Variants in EFCAB11 observed in about 807,000 individuals in gnomAD.
EFCAB11 encodes EF-hand calcium-binding domain-containing protein 11.
Under a neutral mutation model 23.0 loss-of-function variants are expected in EFCAB11, and 14 were observed. That is an observed-to-expected ratio of 0.61 (90% confidence interval 0.40 to 0.95). The LOEUF (loss-of-function observed/expected upper bound fraction) is 0.95. Among genes scored for constraint, EFCAB11 ranks in the 40% least tolerant of loss-of-function variants. EFCAB11 has a pLI of 0.00. For synonymous variants in EFCAB11, 65 were observed against 66.6 expected (o/e 0.98, Z 0.11); for missense variants, 198 against 195.8 (o/e 1.01, Z -0.07).
At chr14:89,920,125 T>C (rs1889975445) in intron 5 of EFCAB11, among the ~76,000 whole-genome samples, 1 of 152,242 alleles carries the variant, frequency 6.6e-6, no homozygotes, top group Admixed American at 6.5e-5. Flanking sequence ...TATAATTCCA[T>C]AGGCAAGATG....
At chr14:89,870,633 A>T (rs1888236277) in intron 5 of EFCAB11, among the ~76,000 whole-genome samples, 1 of 152,168 alleles carries the variant, frequency 6.6e-6, no homozygotes, top group African/African-American at 2.4e-5. Flanking sequence ...TAGAAAACTA[A>T]CAAGATTACC....
At chr14:89,827,838 G>A (rs929234682) in intron 5 of EFCAB11, among the ~76,000 whole-genome samples, 10 of 151,936 alleles carry the variant, frequency 6.6e-5, no homozygotes, top group South Asian at 6.2e-4. Context: ...TCTCCATGTC[G>A]GTCAGGCTGG....
chr14:89,925,896 T>G (rs1890177748), intron 5 of EFCAB11, among the ~76,000 whole-genome samples: 1 of 152,258 alleles, frequency 6.6e-6, no homozygotes, highest in Admixed American at 6.5e-5. Context: ...TGGCGTGATC[T>G]CGGCTCACTG....
rs1029305228 is a variant in EFCAB11 at position 89,935,187 on chromosome 14, T to C, written c.218-2560A>G. On this transcript the variant is annotated intron_variant, in intron 3 of 5. Transcript: ENST00000316738. ...CATGCAATCATAGAAGTGATTAGGA[T>C]CTACGGTAATTATTTGGCCACATGT... 2.0e-5 allele frequency among the ~76,000 whole-genome samples: 3 copies of C among 152,126 alleles called. No individual in the cohort carries two copies. In the East Asian group the frequency reaches 5.8e-4, roughly 29 times the overall value.
chr14:89,798,417 C>A (rs1885647295), intron 5 of EFCAB11, among the ~76,000 whole-genome samples: 2 of 152,258 alleles, frequency 1.3e-5, no homozygotes, highest in Non-Finnish European at 2.9e-5. Context: ...GGACCAAAAG[C>A]ATAGTGTCAG....
intron 5 of EFCAB11, among the ~76,000 whole-genome samples, chr14:89,827,901 G>A (rs1304357782): frequency 6.6e-6 from 1 of 152,068 alleles, no homozygotes; most frequent in Non-Finnish European, 1.5e-5. Context: ...CCAAAGTGCT[G>A]GGATTACAGG....
intron 5 of EFCAB11, among the ~76,000 whole-genome samples, chr14:89,873,232 C>T (rs765682335): frequency 2.0e-5 from 3 of 152,044 alleles, no homozygotes; most frequent in Non-Finnish European, 4.4e-5. Context: ...GGGGAACTCC[C>T]GTTTATAAAA....
intron 5 of EFCAB11, among the ~76,000 whole-genome samples, chr14:89,920,509 TCAGTCACCAGCTGGTGAC>T (rs1889989470): frequency 1.3e-5 from 2 of 152,212 alleles, no homozygotes; most frequent in African/African-American, 4.8e-5. Context: ...CTTGGTTCCA[TCAGTCACCAGCTGGTGAC>T]CTTGAGCAAG....
At chr14:89,903,401 T>G (rs1889397479) in intron 5 of EFCAB11, among the ~76,000 whole-genome samples, 1 of 152,334 alleles carries the variant, frequency 6.6e-6, no homozygotes, top group South Asian at 2.1e-4. Flanking sequence ...TTTTGAAAAC[T>G]TCACGCATTT....
At chr14:89,866,911 C>T (rs1469945022) in intron 5 of EFCAB11, among the ~76,000 whole-genome samples, 1 of 152,172 alleles carries the variant, frequency 6.6e-6, no homozygotes, top group Non-Finnish European at 1.5e-5. Context: ...GCGGGGATTA[C>T]AGGTGCCTGC....
intron 5 of EFCAB11, among the ~76,000 whole-genome samples, chr14:89,929,511 C>T (rs1261645739): frequency 2.0e-5 from 3 of 152,154 alleles, no homozygotes; most frequent in African/African-American, 7.2e-5. Context: ...TTCAGCTTCC[C>T]GAGTAGCTGG....
At chr14:89,829,673 G>A (rs1342187929) in intron 5 of EFCAB11, among the ~76,000 whole-genome samples, 26 of 152,148 alleles carry the variant, frequency 1.7e-4, no homozygotes, top group Admixed American at 1.6e-3. Flanking sequence ...TGGCAAAAAT[G>A]AAAGTTCAAA....
intron 5 of EFCAB11, among the ~76,000 whole-genome samples, chr14:89,824,639 A>G (rs2140105823): frequency 6.6e-6 from 1 of 152,266 alleles, no homozygotes; most frequent in East Asian, 1.9e-4. Flanking sequence ...TCCTTAGGAA[A>G]TTCACTTTAA....
chr14:89,931,697 T>C (rs1879714067), intron 4 of EFCAB11, 66 bp from the exon 5 acceptor site: 1 of 1,398,076 alleles, frequency 7.2e-7, no homozygotes, highest in Non-Finnish European at 1.0e-6. Flanking sequence ...ACTTCAGCCA[T>C]AACATTTGTG....
At chr14:89,815,130 T>C (rs1282686533) in intron 5 of EFCAB11, among the ~76,000 whole-genome samples, 1 of 152,174 alleles carries the variant, frequency 6.6e-6, no homozygotes, top group Non-Finnish European at 1.5e-5. Context: ...GACGTGAAGA[T>C]CTGTCCCTGG....
Position 89,835,981 on chromosome 14 carries a change from G to A in EFCAB11, c.411-38657C>T, listed in dbSNP as rs527352623. Reference sequence around the variant, plus strand: ...CAACAACCTAAGCGTAAAGCAAGAAGATGGAGAGTCAGGTTGGCCCAGGGC... The same window carrying A: ...CAACAACCTAAGCGTAAAGCAAGAAAATGGAGAGTCAGGTTGGCCCAGGGC... On this transcript the variant is annotated intron_variant, in intron 5 of 5. Coordinates refer to ENST00000316738, the MANE Select transcript of EFCAB11 (RefSeq NM_145231.4). Among the ~76,000 whole-genome samples the A allele has an allele frequency of 5.3e-5, 8 of 152,274 alleles. No homozygotes were observed. In the South Asian group the frequency reaches 1.0e-3, roughly 20 times the overall value.
chr14:89,825,560 A>G (rs535473226), intron 5 of EFCAB11, among the ~76,000 whole-genome samples: 3 of 152,330 alleles, frequency 2.0e-5, no homozygotes, highest in East Asian at 3.9e-4. Flanking sequence ...AAAAATTAAT[A>G]AAGTTGATAG....
At chr14:89,917,233 A>T (rs1161568685) in intron 5 of EFCAB11, among the ~76,000 whole-genome samples, 2 of 151,992 alleles carry the variant, frequency 1.3e-5, no homozygotes, top group African/African-American at 4.8e-5. Flanking sequence ...GTATCCTCTG[A>T]CCGACATCTC....
At chr14:89,872,889 G>A (rs1462888960) in intron 5 of EFCAB11, among the ~76,000 whole-genome samples, 2 of 152,056 alleles carry the variant, frequency 1.3e-5, no homozygotes, top group Non-Finnish European at 2.9e-5. Flanking sequence ...AAGAATATGT[G>A]AAGATACAGA....
Sources: allele counts gnomAD v4.1 joint callset (sites outside exome capture counted in the v4.1 genomes callset), GRCh38; gene constraint gnomAD v4.1.1; transcripts MANE v1.5; gene names NCBI Gene and HGNC (gene_info 2026-07-23, HGNC 2026-07-21).